The following GRK3 variants were observed in gnomAD, a reference collection of about 807,000 sequenced individuals.
The protein encoded by GRK3 is adrenergic, beta, receptor kinase 2.
Under a neutral mutation model 95.7 loss-of-function variants are expected in GRK3, and 54 were observed. The observed-to-expected ratio is 0.56, with a 90% CI of 0.45 to 0.71. GRK3 has a LOEUF of 0.71. Ranked by LOEUF, GRK3 falls within the 30% of genes least tolerant of loss-of-function variation. The pLI is 0.00. For synonymous variants in GRK3, 281 were observed against 290.8 expected (o/e 0.97, Z 0.34); for missense variants, 649 against 851.2 (o/e 0.76, Z 2.96).
At chr22:25,611,307 CAT>C (rs2084495717) in intron 2 of GRK3, among the ~76,000 whole-genome samples, 1 of 152,178 alleles carries the variant, frequency 6.6e-6, no homozygotes, top group Non-Finnish European at 1.5e-5. Flanking sequence ...ATTTTATGGA[CAT>C]ATGTTTTCAT....
chr22:25,593,772 CT>C lies in GRK3; in HGVS notation c.114-10599del, dbSNP rs1031033996. 5.4e-3 allele frequency among the ~76,000 whole-genome samples: 818 copies of C among 151,886 alleles called. 5 individuals carry two copies. Among genetic ancestry groups the C allele is most frequent in the African/African-American group, 0.019 (782 of 41,470 alleles). On this transcript the variant is annotated intron_variant, in intron 1 of 20. Transcript: ENST00000324198. Reference sequence around the variant, plus strand: ...GACTTTTTTTTGCATTTTTTGAGGACTTTTTTGTATATGGTAAAAGGTAGGG... The same window carrying C: ...GACTTTTTTTTGCATTTTTTGAGGACTTTTTGTATATGGTAAAAGGTAGGG...
chr22:25,619,476 A>T (rs898742304), intron 2 of GRK3, among the ~76,000 whole-genome samples: 1 of 151,950 alleles, frequency 6.6e-6, no homozygotes, highest in Non-Finnish European at 1.5e-5. Flanking sequence ...TAAGCTGAGT[A>T]AGGAGTTTTT....
intron 2 of GRK3, among the ~76,000 whole-genome samples, chr22:25,640,850 T>C (rs2084737894): frequency 6.6e-6 from 1 of 152,220 alleles, no homozygotes; most frequent in Admixed American, 6.5e-5. Flanking sequence ...TTCACAAATA[T>C]CTACTAAGCA....
chr22:25,611,556 A>T lies in GRK3; in HGVS notation c.190+7103A>T, dbSNP rs1014174432. Reference sequence around the variant, plus strand: ...TATCTTGTTGTGGTCTTGATTTGTGATTCTCCAGTAGTTAATGATATTAAA... The same window carrying T: ...TATCTTGTTGTGGTCTTGATTTGTGTTTCTCCAGTAGTTAATGATATTAAA... On this transcript the variant is annotated intron_variant, in intron 2 of 20. Coordinates refer to ENST00000324198, the MANE Select transcript of GRK3 (RefSeq NM_005160.4). 1.2e-4 allele frequency among the ~76,000 whole-genome samples: 18 copies of T among 152,090 alleles called. 1 individual carries two copies. The highest frequency in any genetic ancestry group is 3.6e-4 in the African/African-American group (15 of 41,390).
Position 25,565,100 on chromosome 22 carries a change from CA to C in GRK3, c.62del (p.Lys21ArgfsTer22). 1 of 1,548,120 alleles carries C rather than the reference CA, an allele frequency of 6.5e-7. No homozygotes were observed. Among genetic ancestry groups the C allele is most frequent in the Admixed American group, 1.9e-5 (1 of 52,662 alleles). On this transcript the variant is annotated frameshift_variant, in exon 1 of 21. Transcript: ENST00000324198. LOFTEE classifies it high-confidence loss of function. ...GTTACCTGATGGCCATGGAGAAGAG[CA>C]AGGCGACCCCGGCCGCCCGCGCCAG... ...VSYLMAMEKSKATPAARASKR... is the reference protein window; with the variant it reads ...VSYLMAMEKSXATPAARASKR...
intron 1 of GRK3, 130 bp from the exon 2 acceptor site, chr22:25,604,247 C>T (rs1207231071): frequency 1.2e-5 from 7 of 588,302 alleles, no homozygotes; most frequent in South Asian, 8.1e-5. Flanking sequence ...CTGCATTTCA[C>T]GCAGTTGTGG....
intron 3 of GRK3, among the ~76,000 whole-genome samples, chr22:25,660,130 A>C (rs2146399718): frequency 6.6e-6 from 1 of 152,346 alleles, no homozygotes; most frequent in East Asian, 1.9e-4. Flanking sequence ...AGCAAAATAC[A>C]ACAAAAGGAA....
intron 20 of GRK3, 130 bp downstream of exon 20, chr22:25,721,527 T>A (rs1191459819): frequency 6.9e-6 from 4 of 580,396 alleles, no homozygotes; most frequent in African/African-American, 2.0e-5. Context: ...AGCCCCAAGG[T>A]ACAAGGTTTT....
In GRK3 at chr22:25,703,584, G is replaced by T. The variant is rs773165975; in HGVS notation, c.1227+8G>T. ...CGAATGACACTCACCGTGGTAAGGG[G>T]ATTCAAAACTGTATTCTTGTCTGTA... On this transcript the variant is annotated splice_region_variant and intron_variant, in intron 14 of 20. Transcript: ENST00000324198. 1.2e-6 allele frequency: 2 copies of T among 1,600,670 alleles called. No individual in the cohort carries two copies. The highest frequency in any genetic ancestry group is 1.7e-5 in the Admixed American group (1 of 59,918).
chr22:25,644,643 C>T lies in GRK3; in HGVS notation c.242C>T (p.Pro81Leu). Residue 81 changes from proline to leucine, a missense_variant, in exon 3 of 21, where the codon CCT (proline) becomes CTT (leucine). By Grantham distance (98) the Pro-to-Leu change is moderately conservative (BLOSUM62 -3). Around this residue, in one of 3 missense-constraint regions of GRK3, gnomAD observed 206 missense variants for 231.4 expected, o/e 0.89. Transcript: ENST00000324198. ...TTGAATGAAATTAATGAAGCTGTAC[C>T]TCAGGTGAAGTTTTATGAAGAGGTA... ...FCLNEINEAV[P>L]QVKFYEEIKE... 1.9e-6 allele frequency: 3 copies of T among 1,571,172 alleles called. No individual in the cohort carries two copies. Among genetic ancestry groups the T allele is most frequent in the Non-Finnish European group, 2.6e-6 (3 of 1,146,878 alleles).
intron 1 of GRK3, among the ~76,000 whole-genome samples, chr22:25,582,345 T>G (rs907189046): frequency 1.3e-5 from 2 of 151,330 alleles, no homozygotes; most frequent in Non-Finnish European, 2.9e-5. Flanking sequence ...ACAGGACCAG[T>G]GTGAAGAAAA....
intron 5 of GRK3, among the ~76,000 whole-genome samples, chr22:25,664,751 T>C (rs1203283663): frequency 2.0e-5 from 3 of 151,990 alleles, no homozygotes; most frequent in Non-Finnish European, 2.9e-5. Flanking sequence ...GATCTCCTGA[T>C]CTTGTGATCC....
intron 10 of GRK3, among the ~76,000 whole-genome samples, chr22:25,686,253 G>A (rs1439465868): frequency 4.0e-5 from 6 of 150,988 alleles, no homozygotes; most frequent in African/African-American, 1.2e-4. Flanking sequence ...GATCTACCCC[G>A]AAACAGGAAG....
intron 16 of GRK3, among the ~76,000 whole-genome samples, chr22:25,710,391 A>G (rs1385603052): frequency 2.6e-5 from 4 of 152,120 alleles, no homozygotes; most frequent in East Asian, 1.9e-4. Context: ...CCATAAACGT[A>G]TGTATATTTT....
chr22:25,626,672 A>G (rs1466664263), intron 2 of GRK3, among the ~76,000 whole-genome samples: 1 of 152,238 alleles, frequency 6.6e-6, no homozygotes, highest in Non-Finnish European at 1.5e-5. Context: ...CACAGAAACC[A>G]TCTGATTGCT....
At chr22:25,685,331 T>G (rs556058648) in intron 10 of GRK3, 83 bp downstream of exon 10, 75 of 1,046,042 alleles carry the variant, frequency 7.2e-5, no homozygotes, top group Non-Finnish European at 1.1e-4. Flanking sequence ...CTAGGCAGAC[T>G]GGCAATGTGG....
chr22:25,626,350 T>C (rs564377030), intron 2 of GRK3, among the ~76,000 whole-genome samples: 56 of 152,296 alleles, frequency 3.7e-4, no homozygotes, highest in African/African-American at 1.2e-3. Context: ...TCTGTGGAAA[T>C]AGAGGGATCC....
intron 2 of GRK3, among the ~76,000 whole-genome samples, chr22:25,628,160 T>A (rs1433407694): frequency 6.6e-6 from 1 of 152,234 alleles, no homozygotes; most frequent in Non-Finnish European, 1.5e-5. Flanking sequence ...TATTTTGTTA[T>A]CTTTCAAATT....
At chr22:25,612,090 C>T (rs1439909101) in intron 2 of GRK3, among the ~76,000 whole-genome samples, 1 of 152,148 alleles carries the variant, frequency 6.6e-6, no homozygotes, top group Non-Finnish European at 1.5e-5. Context: ...GCCTCGGCCT[C>T]CCAAAGTGCT....
Sources: gnomAD v4.1 joint callset for allele counts (sites outside exome capture counted in the v4.1 genomes callset) on GRCh38, gnomAD v4.1.1 for gene constraint, gnomAD v4.1.1 regional missense constraint, MANE v1.5 for transcripts, NCBI Gene and HGNC (gene_info 2026-07-23, HGNC 2026-07-21) for gene names.